Variants in GRM7 observed in about 807,000 individuals in gnomAD.
GRM7 encodes glutamate metabotropic receptor 7.
GRM7 carries 35 observed loss-of-function variants against 84.5 expected under a neutral mutation model. That is an observed-to-expected ratio of 0.41 (90% CI 0.32 to 0.55). The LOEUF is 0.55. GRM7 is among the 20% of genes least tolerant of loss of function. The pLI is 0.19. For missense variants in GRM7, 1,003 were observed against 1,194.6 expected (o/e 0.84, Z 2.36); for synonymous variants, 487 against 455.1 (o/e 1.07, Z -0.89).
intron 8 of GRM7, among the ~76,000 whole-genome samples, chr3:7,671,208 T>G (rs1287842230): frequency 6.6e-6 from 1 of 152,140 alleles, no homozygotes; most frequent in Non-Finnish European, 1.5e-5. Flanking sequence ...TGCTTGCACA[T>G]GCCCAGCAAA....
intron 2 of GRM7, among the ~76,000 whole-genome samples, chr3:7,175,057 A>T (rs759009195): frequency 1.3e-5 from 2 of 152,236 alleles, no homozygotes; most frequent in African/African-American, 2.4e-5. Flanking sequence ...AACTCCATTG[A>T]GGGCAATAGA....
chr3:7,284,285 CGT>C (rs138776968), intron 2 of GRM7, among the ~76,000 whole-genome samples: 101 of 131,066 alleles, frequency 7.7e-4, no homozygotes, highest in Admixed American at 2.1e-3. Flanking sequence ...CATGCTCACT[CGT>C]GTGTGTGTGT....
chr3:7,370,521 C>T (rs1330382599), intron 4 of GRM7, among the ~76,000 whole-genome samples: 4 of 152,042 alleles, frequency 2.6e-5, no homozygotes, highest in African/African-American at 4.8e-5. Context: ...CACAGCCATG[C>T]GGAACTGTGA....
At chr3:7,436,228 G>C (rs1413784762) in intron 5 of GRM7, among the ~76,000 whole-genome samples, 1 of 151,786 alleles carries the variant, frequency 6.6e-6, no homozygotes, top group African/African-American at 2.4e-5. Flanking sequence ...TATTTCTACT[G>C]TTGTCTTTAT....
intron 2 of GRM7, among the ~76,000 whole-genome samples, chr3:7,205,745 A>G (rs1696216178): frequency 6.6e-6 from 1 of 152,212 alleles, no homozygotes; most frequent in African/African-American, 2.4e-5. Flanking sequence ...GCAGAAAATA[A>G]CACTCATTTT....
intron 8 of GRM7, among the ~76,000 whole-genome samples, chr3:7,597,473 G>A (rs1020993642): frequency 6.6e-6 from 1 of 152,078 alleles, no homozygotes; most frequent in African/African-American, 2.4e-5. Flanking sequence ...CACAAAAACC[G>A]GCTATAAATT....
chr3:7,334,075 G>A (rs576748275), intron 4 of GRM7, among the ~76,000 whole-genome samples: 2 of 152,022 alleles, frequency 1.3e-5, no homozygotes, highest in African/African-American at 4.8e-5. Flanking sequence ...TCTTGCTAGG[G>A]AGCTAGACAT....
At chr3:7,203,849 C>T (rs189802724) in intron 2 of GRM7, among the ~76,000 whole-genome samples, 41 of 152,102 alleles carry the variant, frequency 2.7e-4, no homozygotes, top group African/African-American at 8.2e-4. Flanking sequence ...ATATTCTTAT[C>T]GCTACAAATT....
At chr3:6,894,890 G>T (rs1352183276) in intron 1 of GRM7, among the ~76,000 whole-genome samples, 1 of 152,144 alleles carries the variant, frequency 6.6e-6, no homozygotes, top group African/African-American at 2.4e-5. Context: ...ATTTTCTCTA[G>T]GAGATGGAAA....
At chr3:7,021,984 A>G (rs1695791568) in intron 1 of GRM7, among the ~76,000 whole-genome samples, 1 of 152,180 alleles carries the variant, frequency 6.6e-6, no homozygotes, top group Non-Finnish European at 1.5e-5. Context: ...GAACTGCATA[A>G]CCAACCAAAT....
intron 1 of GRM7, among the ~76,000 whole-genome samples, chr3:7,106,749 T>C (rs1286158526): frequency 6.6e-6 from 1 of 152,054 alleles, no homozygotes; most frequent in Non-Finnish European, 1.5e-5. Flanking sequence ...GGACAAACTA[T>C]TTGTGAGATA....
intron 2 of GRM7, among the ~76,000 whole-genome samples, chr3:7,216,683 A>G (rs1025693045): frequency 3.3e-5 from 5 of 152,126 alleles, no homozygotes; most frequent in Admixed American, 3.3e-4. Flanking sequence ...TATTGCATAC[A>G]TTTCTTATAT....
chr3:7,192,642 C>T (rs774285038), intron 2 of GRM7, among the ~76,000 whole-genome samples: 67 of 152,152 alleles, frequency 4.4e-4, no homozygotes, highest in Admixed American at 9.2e-4. Context: ...CCGATTTGTC[C>T]CTCTATCTTG....
At chr3:7,725,517 A>C (rs1365201778) in intron 9 of GRM7, among the ~76,000 whole-genome samples, 2 of 152,148 alleles carry the variant, frequency 1.3e-5, no homozygotes, top group East Asian at 3.9e-4. Context: ...ACACACACAC[A>C]GAAGTAAAGG....
chr3:6,881,295 C>G (rs1695498925), intron 1 of GRM7, among the ~76,000 whole-genome samples: 1 of 152,110 alleles, frequency 6.6e-6, no homozygotes, highest in African/African-American at 2.4e-5. Flanking sequence ...CCTTCCCTCA[C>G]TCCACCCCCC....
intron 1 of GRM7, among the ~76,000 whole-genome samples, chr3:7,057,997 G>GT (rs1194220841): frequency 2.0e-5 from 3 of 151,892 alleles, no homozygotes; most frequent in Non-Finnish European, 4.4e-5. Context: ...TCTTTGATCA[G>GT]TTTTTTCTCT....
At chr3:7,591,444 A>C (rs1365329514) in intron 8 of GRM7, 3 of 446,774 alleles carry the variant, frequency 6.7e-6, no homozygotes, top group Non-Finnish European at 1.3e-5. Flanking sequence ...AAAGTGATCA[A>C]ATCTTTTAAG....
intron 4 of GRM7, among the ~76,000 whole-genome samples, chr3:7,365,336 C>T (rs545371528): frequency 2.0e-5 from 3 of 151,704 alleles, no homozygotes; most frequent in Non-Finnish European, 4.4e-5. Context: ...AACTCACACT[C>T]TTCTCTCTCA....
intron 1 of GRM7, among the ~76,000 whole-genome samples, chr3:6,881,664 T>G (rs1001352395): frequency 2.1e-5 from 3 of 144,780 alleles, no homozygotes; most frequent in Non-Finnish European, 3.1e-5. Context: ...AAGACATTCA[T>G]GCAGCAAACA....
Sources: gnomAD v4.1 joint callset for allele counts (sites outside exome capture counted in the v4.1 genomes callset) on GRCh38, gnomAD v4.1.1 for gene constraint, MANE v1.5 for transcripts, NCBI Gene and HGNC (gene_info 2026-07-23, HGNC 2026-07-21) for gene names.